The following NMI variants were observed in gnomAD, a reference collection of about 807,000 sequenced individuals.
The protein encoded by NMI is N-myc-interactor.
Under a neutral mutation model 34.3 loss-of-function variants are expected in NMI, and 39 were observed. That is an observed-to-expected ratio of 1.14 (90% CI 0.88 to 1.49). The LOEUF is 1.49. Ranked by LOEUF, NMI falls within the 40% of genes most tolerant of loss-of-function variation. The pLI is 0.00. For synonymous variants in NMI, 113 were observed against 120.3 expected (o/e 0.94, Z 0.40); for missense variants, 339 against 358.1 (o/e 0.95, Z 0.43).
intron 4 of NMI, among the ~76,000 whole-genome samples, chr2:151,276,860 C>T (rs1452324188): frequency 1.3e-5 from 2 of 152,100 alleles, no homozygotes; most frequent in Non-Finnish European, 2.9e-5. Flanking sequence ...GTTGATAGTC[C>T]TGCTATATTG....
rs1333076066 is a variant in NMI at position 151,285,388 on chromosome 2, TA to T, written c.-6-2435del. ...ATAGATAGATAGATAGATAGATAGA[TA>T]GATAGATAGATAGATAAATAGACAG... On this transcript the variant is annotated intron_variant, in intron 1 of 7. Coordinates refer to ENST00000243346, the MANE Select transcript of NMI (RefSeq NM_004688.3). 2.3e-4 allele frequency among the ~76,000 whole-genome samples: 34 copies of T among 149,468 alleles called. No individual in the cohort carries two copies. The Admixed American group carries it at 2.3e-3, about 10-fold the overall frequency.
At chr2:151,275,925 T>G in intron 4 of NMI, 61 bp from the exon 5 acceptor site, 2 of 1,115,864 alleles carry the variant, frequency 1.8e-6, no homozygotes, top group Non-Finnish European at 2.6e-6. Flanking sequence ...GTTATGCTTT[T>G]GGTTTAAGAA....
chr2:151,284,110 C>T (rs1185103159), intron 1 of NMI, among the ~76,000 whole-genome samples: 1 of 152,102 alleles, frequency 6.6e-6, no homozygotes, highest in Non-Finnish European at 1.5e-5. Flanking sequence ...GTAATCCCAG[C>T]ACTTTGGGAG....
In NMI at chr2:151,284,930, C is replaced by CA. The variant is rs1019173946; in HGVS notation, c.-6-1977dup. ...CTTAGTTTAATGAACACAGGAGTGTCAAAAAAAGAGGAGAGTCGCATAACA... is the reference window on the plus strand; with the variant it reads ...CTTAGTTTAATGAACACAGGAGTGTCAAAAAAAAGAGGAGAGTCGCATAACA... On this transcript the variant is annotated intron_variant, in intron 1 of 7. Coordinates refer to ENST00000243346, the MANE Select transcript of NMI (RefSeq NM_004688.3). Among the ~76,000 whole-genome samples, 49 of 152,036 alleles carry CA rather than the reference C, an allele frequency of 3.2e-4. 1 individual carries two copies. In the Middle Eastern group the frequency reaches 0.02, roughly 63 times the overall value.
chr2:151,284,242 C>G (rs12622615), intron 1 of NMI, among the ~76,000 whole-genome samples: 24,313 of 151,956 alleles, frequency 0.16, 2,412 homozygotes, highest in African/African-American at 0.27. Flanking sequence ...GCCTATAATC[C>G]CAGTCATATT....
At position 151,270,882 on chromosome 2, in the gene NMI, AG is replaced by A; in HGVS notation, c.742-8del. 1 of 1,600,988 alleles carries A rather than the reference AG, an allele frequency of 6.2e-7. No individual in the cohort carries two copies. Among genetic ancestry groups the A allele is most frequent in the East Asian group, 2.2e-5 (1 of 44,758 alleles). ...TAGATGTTCCTGAAAATATCTAAGA[AG>A]GAAAAAATGATAAATAGAAAGATTT... On this transcript the variant is annotated splice_region_variant and splice_polypyrimidine_tract_variant and intron_variant, in intron 7 of 7. Transcript: ENST00000243346.
Position 151,274,344 on chromosome 2 carries a change from C to CAA in NMI, c.634+1138_634+1139dup, listed in dbSNP as rs773276443. Among the ~76,000 whole-genome samples the CAA allele has an allele frequency of 3.8e-3, 208 of 54,676 alleles. 31 individuals are homozygous for CAA. Among genetic ancestry groups the CAA allele is most frequent in the African/African-American group, 0.012 (172 of 14,328 alleles). The allele number at this position is 54,676 out of a possible 152,430, so 35.9% of individuals were successfully genotyped here. ...GGCGACAGAGCAAGACTCTGTCTCA[C>CAA]AAAAAAAAAAAAAAAAAAAAAAAAA... On this transcript the variant is annotated intron_variant, in intron 6 of 7. Coordinates refer to ENST00000243346, the MANE Select transcript of NMI (RefSeq NM_004688.3).
chr2:151,281,329 G>T (rs1683399598), intron 3 of NMI, among the ~76,000 whole-genome samples: 2 of 152,196 alleles, frequency 1.3e-5, no homozygotes, highest in African/African-American at 4.8e-5. Context: ...AAAGAACTCA[G>T]TGAGAAAAGC....
intron 1 of NMI, among the ~76,000 whole-genome samples, chr2:151,284,130 G>A (rs1284887322): frequency 6.6e-6 from 1 of 152,094 alleles, no homozygotes; most frequent in Non-Finnish European, 1.5e-5. Flanking sequence ...GGCCAAGGCG[G>A]GTGGATCACA....
In NMI at chr2:151,275,530, A is replaced by G. The variant is rs766401813; in HGVS notation, c.588T>C (p.Tyr196=). 4 of 1,614,190 alleles carry G rather than the reference A, an allele frequency of 2.5e-6. No homozygotes were observed. Among genetic ancestry groups the G allele is most frequent in the South Asian group, 1.1e-5 (1 of 91,086 alleles). The change falls in exon 6 of 8, where the codon TAT becomes TAC. Residue 196 remains tyrosine (Y), a synonymous_variant. Transcript: ENST00000243346. ...TGACTGCACTCCCGGACTGTCTGTC[A>G]TAGTCCACGCGGTCCACCTCTCCGC... The part of the protein sequence containing the change: ...NGGGEVDRVD[Y]DRQSGSAVIT...
At chr2:151,283,822 CA>C (rs905204010) in intron 1 of NMI, among the ~76,000 whole-genome samples, 1 of 152,134 alleles carries the variant, frequency 6.6e-6, no homozygotes, top group African/African-American at 2.4e-5. Context: ...GCATTCTCTT[CA>C]ATTATGAATA....
intron 3 of NMI, among the ~76,000 whole-genome samples, chr2:151,279,273 G>A (rs1482208434): frequency 6.6e-6 from 1 of 152,006 alleles, no homozygotes; most frequent in Non-Finnish European, 1.5e-5. Context: ...ATATTGTATG[G>A]TGTTCAGTTC....
At chr2:151,282,365 C>T (rs1472045919) in intron 2 of NMI, among the ~76,000 whole-genome samples, 1 of 152,208 alleles carries the variant, frequency 6.6e-6, no homozygotes, top group East Asian at 1.9e-4. Flanking sequence ...TGCATCAACT[C>T]CTTTCCTAGC....
At chr2:151,285,718 C>G (rs1178963351) in intron 1 of NMI, among the ~76,000 whole-genome samples, 1 of 152,124 alleles carries the variant, frequency 6.6e-6, no homozygotes, top group African/African-American at 2.4e-5. Context: ...TGAGCACACT[C>G]AGCACCCAGA....
chr2:151,280,900 T>C (rs1163491665), intron 3 of NMI, among the ~76,000 whole-genome samples: 2 of 151,870 alleles, frequency 1.3e-5, no homozygotes, highest in African/African-American at 2.4e-5. Flanking sequence ...TGGAGCACAG[T>C]GGTGTGATCT....
At chr2:151,281,836 G>A in intron 3 of NMI, 112 bp downstream of exon 3, 1 of 669,908 alleles carries the variant, frequency 1.5e-6, no homozygotes, top group South Asian at 1.7e-5. Context: ...ACAAATGGTG[G>A]TGCCATGGAT....
rs1683223142 is a variant in NMI at position 151,273,501 on chromosome 2, C to T, written c.635-1769G>A. Among the ~76,000 whole-genome samples, 4 of 152,218 alleles carry T rather than the reference C, an allele frequency of 2.6e-5. 1 individual carries two copies. The South Asian group carries it at 8.3e-4, about 32-fold the overall frequency. On this transcript the variant is annotated intron_variant, in intron 6 of 7. Transcript: ENST00000243346. ...TCACAGTAGAGTTATAAATTGCATT[C>T]TAGTTTATTTTATTTTATTTATTTT...
chr2:151,284,853 A>T (rs78159079), intron 1 of NMI, among the ~76,000 whole-genome samples: 3,602 of 152,352 alleles, frequency 0.024, 61 homozygotes, highest in African/African-American at 0.028. Flanking sequence ...AATAAAAGAC[A>T]TCTATTCCTC....
intron 1 of NMI, among the ~76,000 whole-genome samples, chr2:151,285,104 T>C (rs1683471124): frequency 1.3e-5 from 2 of 151,954 alleles, no homozygotes; most frequent in African/African-American, 2.4e-5. Context: ...CTAAAACACA[T>C]GCACAAACAC....
Sources: allele counts gnomAD v4.1 joint callset (sites outside exome capture counted in the v4.1 genomes callset), GRCh38; gene constraint gnomAD v4.1.1; transcripts MANE v1.5; gene names NCBI Gene and HGNC (gene_info 2026-07-23, HGNC 2026-07-21).